DECR1: variants seen among roughly 807,000 people sequenced by gnomAD.
DECR1 encodes 2,4-dienoyl-CoA reductase [(3E)-enoyl-CoA-producing], mitochondrial.
In DECR1, 44 loss-of-function variants were observed where a neutral mutation model predicts 38.8. The ratio of observed to expected loss-of-function variants is 1.13; its 90% CI spans 0.89 to 1.46. The LOEUF is 1.46. Ranked by LOEUF, DECR1 falls within the 40% of genes most tolerant of loss-of-function variation. The pLI is 0.00. For synonymous variants in DECR1, 148 were observed against 135.2 expected (o/e 1.09, Z -0.66); for missense variants, 428 against 405.5 (o/e 1.06, Z -0.48).
intron 5 of DECR1, among the ~76,000 whole-genome samples, chr8:90,030,074 C>A (rs1361243835): frequency 1.3e-5 from 2 of 152,100 alleles, no homozygotes; most frequent in African/African-American, 2.4e-5. Flanking sequence ...TGTTTCACCT[C>A]AGATCATCAG....
chr8:90,031,909 A>G (rs1563642912), intron 5 of DECR1, among the ~76,000 whole-genome samples: 1 of 152,222 alleles, frequency 6.6e-6, no homozygotes, highest in African/African-American at 2.4e-5. Context: ...GGATTAAAAA[A>G]AAATTAAGAT....
chr8:90,009,888 G>A (rs1252864520), intron 1 of DECR1, among the ~76,000 whole-genome samples: 1 of 152,198 alleles, frequency 6.6e-6, no homozygotes, highest in Non-Finnish European at 1.5e-5. Flanking sequence ...TCTAACTGCA[G>A]ACAGATAACC....
chr8:90,011,709 ATTG>A (rs979416394), intron 1 of DECR1, among the ~76,000 whole-genome samples: 2 of 152,174 alleles, frequency 1.3e-5, no homozygotes, highest in Admixed American at 6.5e-5. Flanking sequence ...TATAAACAGA[ATTG>A]TTTTCTTAAT....
In DECR1 at chr8:90,001,571, C is replaced by T; in HGVS notation, c.69+10C>T. 1.2e-6 allele frequency: 2 copies of T among 1,610,120 alleles called. No homozygotes were observed. Among genetic ancestry groups the T allele is most frequent in the South Asian group, 1.1e-5 (1 of 90,948 alleles). ...CCTCGCTCCTCGGAGGGTAAGGCGG[C>T]CGGGGGCGCGGGGAGCGAGGACAGG... On this transcript the variant is annotated intron_variant, in intron 1 of 9. Transcript: ENST00000220764.
intron 5 of DECR1, among the ~76,000 whole-genome samples, chr8:90,023,540 T>G (rs1055962277): frequency 6.6e-6 from 1 of 152,138 alleles, no homozygotes. Context: ...AAATATTGAA[T>G]AGGTAAAAAC....
chr8:90,042,507 G>A, intron 6 of DECR1: 2 of 560,014 alleles, frequency 3.6e-6, no homozygotes, highest in South Asian at 4.2e-5. Flanking sequence ...ACTGAAGCTA[G>A]ACCTCTTGAG....
intron 6 of DECR1, among the ~76,000 whole-genome samples, chr8:90,041,263 A>T (rs986363593): frequency 6.6e-6 from 1 of 152,156 alleles, no homozygotes; most frequent in South Asian, 2.1e-4. Flanking sequence ...GGCTGCGTAA[A>T]TGTCTTCTTT....
Position 90,053,359 on chromosome 8 carries a change from C to T in DECR1, c.*1462C>T, listed in dbSNP as rs954437191. ...TCTTACGTGGTGGCACCCAAGAGAG[C>T]TTGTGCAGGGGAACTCCCATTTATA... On this transcript the variant is annotated 3_prime_UTR_variant, in exon 10 of 10. Coordinates refer to ENST00000220764, the MANE Select transcript of DECR1 (RefSeq NM_001359.2). 6.6e-6 allele frequency among the ~76,000 whole-genome samples: 1 copy of T among 152,280 alleles called. No individual in the cohort carries two copies. The highest frequency in any genetic ancestry group is 1.5e-5 in the Non-Finnish European group (1 of 68,016).
intron 2 of DECR1, among the ~76,000 whole-genome samples, chr8:90,017,784 A>G (rs1427020752): frequency 6.6e-6 from 1 of 152,144 alleles, no homozygotes; most frequent in Non-Finnish European, 1.5e-5. Context: ...TTTAAGCACT[A>G]TATGGAGGTT....
At chr8:90,001,614 G>GAGAGAGGAC in intron 1 of DECR1, 53 bp downstream of exon 1, 1 of 1,548,254 alleles carries the variant, frequency 6.5e-7, no homozygotes, top group Non-Finnish European at 8.9e-7. Flanking sequence ...GACGCGCAAA[G>GAGAGAGGAC]AGAGAGGACA....
At chr8:90,028,927 C>G (rs1416167218) in intron 5 of DECR1, among the ~76,000 whole-genome samples, 2 of 151,976 alleles carry the variant, frequency 1.3e-5, no homozygotes, top group Non-Finnish European at 2.9e-5. Context: ...GACGTACAAT[C>G]TTTTTTTAAT....
intron 5 of DECR1, among the ~76,000 whole-genome samples, chr8:90,024,694 C>A (rs1219032549): frequency 6.6e-6 from 1 of 152,122 alleles, no homozygotes; most frequent in Non-Finnish European, 1.5e-5. Context: ...ATGGTAGTTT[C>A]TTTTGCTGTG....
chr8:90,008,950 C>T (rs1297320436), intron 1 of DECR1, among the ~76,000 whole-genome samples: 4 of 152,148 alleles, frequency 2.6e-5, no homozygotes, highest in Admixed American at 1.3e-4. Context: ...GCTTGTTATA[C>T]AAGTGTCCTA....
intron 4 of DECR1, 57 bp downstream of exon 4, chr8:90,019,229 C>A: frequency 1.5e-6 from 2 of 1,326,018 alleles, no homozygotes; most frequent in Non-Finnish European, 2.2e-6. Flanking sequence ...ATAACACCCA[C>A]CAACATGTAC....
At position 90,021,045 on chromosome 8, in the gene DECR1, A is replaced by G; in HGVS notation, c.554A>G (p.Lys185Arg). ...CTAGAAATTGGAAAACAACTAATTA[A>G]AGCACAGAAAGGTATGTTTATTTGC... ...VTLEIGKQLI[K>R]AQKGAAFLSI... Residue 185 changes from lysine to arginine, a missense_variant, in exon 5 of 10, where the codon AAA becomes AGA. Physicochemically the swap from Lys to Arg is conservative, Grantham distance 26. Transcript: ENST00000220764. 2 of 1,582,198 alleles carry G rather than the reference A, an allele frequency of 1.3e-6. No individual in the cohort carries two copies. Among genetic ancestry groups the G allele is most frequent in the Non-Finnish European group, 1.7e-6 (2 of 1,169,768 alleles).
chr8:90,005,542 C>T (rs987454919), intron 1 of DECR1: 26 of 426,002 alleles, frequency 6.1e-5, no homozygotes, highest in Non-Finnish European at 1.2e-4. Flanking sequence ...CCGAAGTAGG[C>T]GGACTTACAT....
intron 5 of DECR1, among the ~76,000 whole-genome samples, chr8:90,024,779 C>T (rs1277379397): frequency 6.6e-6 from 1 of 152,184 alleles, no homozygotes; most frequent in East Asian, 1.9e-4. Context: ...GTGTTTTAGA[C>T]ATGAAGCCCT....
At chr8:90,005,306 A>G (rs1812711716) in intron 1 of DECR1, 1 of 456,086 alleles carries the variant, frequency 2.2e-6, no homozygotes, top group Non-Finnish European at 4.4e-6. Flanking sequence ...CTTACTAGGG[A>G]TATGAAGGTG....
chr8:90,032,355 T>C (rs1653101838), intron 5 of DECR1, among the ~76,000 whole-genome samples: 1 of 152,168 alleles, frequency 6.6e-6, no homozygotes, highest in Non-Finnish European at 1.5e-5. Context: ...AGGGACTGAC[T>C]TTCTCTTCTA....
Sources: allele counts gnomAD v4.1 joint callset (sites outside exome capture counted in the v4.1 genomes callset), GRCh38; gene constraint gnomAD v4.1.1; transcripts MANE v1.5; gene names NCBI Gene and HGNC (gene_info 2026-07-23, HGNC 2026-07-21).